The following ZMAT4 variants were observed in gnomAD, a reference collection of about 807,000 sequenced individuals.
ZMAT4 encodes the protein zinc finger matrin-type protein 4.
Under a neutral mutation model 28.7 loss-of-function variants are expected in ZMAT4, and 17 were observed. The ratio of observed to expected loss-of-function variants is 0.59; its 90% CI spans 0.41 to 0.89. ZMAT4 has a LOEUF of 0.89. Ranked by LOEUF, ZMAT4 falls within the 40% of genes least tolerant of loss-of-function variation. The pLI is 0.00. For missense variants in ZMAT4, 240 were observed against 283.8 expected, an observed-to-expected ratio of 0.85 and a Z score of 1.11; for synonymous variants, 117 against 109.2, an observed-to-expected ratio of 1.07 and a Z score of -0.44.
intron 5 of ZMAT4, among the ~76,000 whole-genome samples, chr8:40,609,182 A>G (rs1805706249): frequency 6.6e-6 from 1 of 152,258 alleles, no homozygotes; most frequent in African/African-American, 2.4e-5. Flanking sequence ...GTAGGAAAAT[A>G]TAATAAAAAC....
At chr8:40,748,933 T>C (rs1289557871) in intron 3 of ZMAT4, among the ~76,000 whole-genome samples, 1 of 152,060 alleles carries the variant, frequency 6.6e-6, no homozygotes, top group Non-Finnish European at 1.5e-5. Context: ...AGGGACCCAG[T>C]GGGAGATAAT....
chr8:40,842,996 C>T (rs1816755663), intron 1 of ZMAT4, among the ~76,000 whole-genome samples: 1 of 152,084 alleles, frequency 6.6e-6, no homozygotes, highest in Admixed American at 6.5e-5. Context: ...AGGCTGGTCT[C>T]GAACTCCAGA....
intron 3 of ZMAT4, among the ~76,000 whole-genome samples, chr8:40,713,069 A>C (rs1322531717): frequency 6.6e-6 from 1 of 152,110 alleles, no homozygotes; most frequent in Non-Finnish European, 1.5e-5. Context: ...AAAACATATT[A>C]TAAAACTCTA....
intron 3 of ZMAT4, among the ~76,000 whole-genome samples, chr8:40,717,354 A>G (rs1810899722): frequency 6.6e-6 from 1 of 152,212 alleles, no homozygotes; most frequent in Admixed American, 6.5e-5. Context: ...AATATAAAAT[A>G]CTCAAAATAA....
chr8:40,630,806 G>A (rs1277191264), intron 5 of ZMAT4, among the ~76,000 whole-genome samples: 1 of 152,008 alleles, frequency 6.6e-6, no homozygotes, highest in Non-Finnish European at 1.5e-5. Flanking sequence ...GGGTGGTACT[G>A]GACAACAGAA....
chr8:40,833,951 A>G (rs889851779), intron 1 of ZMAT4, among the ~76,000 whole-genome samples: 4 of 152,326 alleles, frequency 2.6e-5, no homozygotes, highest in Admixed American at 2.0e-4. Context: ...CTTTGTTTAA[A>G]AAGAGAGAGA....
intron 2 of ZMAT4, among the ~76,000 whole-genome samples, chr8:40,774,404 T>C (rs1191935026): frequency 1.3e-5 from 2 of 152,120 alleles, no homozygotes; most frequent in Non-Finnish European, 2.9e-5. Context: ...CTAGCACTTG[T>C]GTACATAGAT....
chr8:40,793,650 A>T (rs1814459778), intron 2 of ZMAT4, among the ~76,000 whole-genome samples: 1 of 152,190 alleles, frequency 6.6e-6, no homozygotes, highest in African/African-American at 2.4e-5. Context: ...TCCAAGTAAA[A>T]TGAATTGCTC....
chr8:40,855,209 C>T (rs549968197), intron 1 of ZMAT4, among the ~76,000 whole-genome samples: 4 of 152,244 alleles, frequency 2.6e-5, no homozygotes, highest in African/African-American at 9.6e-5. Context: ...AGACCAGGAG[C>T]CATTTGAGCC....
intron 5 of ZMAT4, among the ~76,000 whole-genome samples, chr8:40,609,947 C>G (rs1019126912): frequency 6.6e-6 from 1 of 152,184 alleles, no homozygotes; most frequent in Non-Finnish European, 1.5e-5. Flanking sequence ...GGTCTCAGCC[C>G]TTTATTCTGT....
intron 1 of ZMAT4, among the ~76,000 whole-genome samples, chr8:40,846,062 C>G (rs1295275833): frequency 6.6e-6 from 1 of 152,178 alleles, no homozygotes; most frequent in Non-Finnish European, 1.5e-5. Context: ...TTAGGAGAGA[C>G]AGCAGCTGGA....
At chr8:40,765,513 GATAA>G (rs1449616409) in intron 3 of ZMAT4, among the ~76,000 whole-genome samples, 4 of 152,124 alleles carry the variant, frequency 2.6e-5, no homozygotes, top group Non-Finnish European at 5.9e-5. Flanking sequence ...AAAATGATTT[GATAA>G]ATAAATCATT....
At chr8:40,624,327 G>T (rs188652905) in intron 5 of ZMAT4, among the ~76,000 whole-genome samples, 1 of 152,302 alleles carries the variant, frequency 6.6e-6, no homozygotes, top group Non-Finnish European at 1.5e-5. Context: ...AGAGGGCAGT[G>T]GTCTGCAACT....
intron 5 of ZMAT4, among the ~76,000 whole-genome samples, chr8:40,652,726 A>G (rs1383372240): frequency 9.0e-6 from 1 of 111,406 alleles, no homozygotes; most frequent in Non-Finnish European, 2.0e-5. Flanking sequence ...AATGTAGCAC[A>G]TATACACCAT....
chr8:40,616,102 A>T (rs546296240), intron 5 of ZMAT4, among the ~76,000 whole-genome samples: 55 of 152,364 alleles, frequency 3.6e-4, no homozygotes, highest in African/African-American at 1.3e-3. Context: ...TTTCCAAAAG[A>T]AGACATTTAT....
At chr8:40,772,133 T>C (rs1813412651) in intron 2 of ZMAT4, among the ~76,000 whole-genome samples, 1 of 152,226 alleles carries the variant, frequency 6.6e-6, no homozygotes, top group Non-Finnish European at 1.5e-5. Context: ...TATTTGCATT[T>C]TGAGCAAAAC....
chr8:40,830,739 T>C (rs1417176859), intron 1 of ZMAT4, among the ~76,000 whole-genome samples: 1 of 152,230 alleles, frequency 6.6e-6, no homozygotes, highest in African/African-American at 2.4e-5. Flanking sequence ...CTGATGGTGC[T>C]GAAATAACTT....
intron 5 of ZMAT4, among the ~76,000 whole-genome samples, chr8:40,668,460 C>T (rs1482446278): frequency 1.1e-5 from 1 of 92,454 alleles, no homozygotes. Context: ...CAGAGCAAGA[C>T]TTTGTCTCAA....
chr8:40,845,175 T>G (rs2150629955), intron 1 of ZMAT4, among the ~76,000 whole-genome samples: 1 of 152,322 alleles, frequency 6.6e-6, no homozygotes, highest in Admixed American at 6.5e-5. Flanking sequence ...GTGAGCTCAG[T>G]TCCTCCACTT....
Sources: gnomAD v4.1 joint callset for allele counts (sites outside exome capture counted in the v4.1 genomes callset) on GRCh38, gnomAD v4.1.1 for gene constraint, MANE v1.5 for transcripts, NCBI Gene and HGNC (gene_info 2026-07-23, HGNC 2026-07-21) for gene names.